The following KANSL1 variants were observed in gnomAD, a reference collection of about 807,000 sequenced individuals.
KANSL1 encodes MLL1/MLL complex subunit KANSL1.
KANSL1 carries 22 observed loss-of-function variants against 103.6 expected under a neutral mutation model. The ratio of observed to expected loss-of-function variants is 0.21; its 90% confidence interval spans 0.15 to 0.30. The LOEUF (loss-of-function observed/expected upper bound fraction) is 0.30, where lower values mean the gene tolerates loss of function less well. Among genes scored for constraint, KANSL1 ranks in the 10% least tolerant of loss-of-function variants. The pLI is 1.00. For missense variants in KANSL1, 1,337 were observed against 1,399.8 expected (o/e 0.96, Z 0.72); for synonymous variants, 600 against 527.6 (o/e 1.14, Z -1.88).
intron 2 of KANSL1, among the ~76,000 whole-genome samples, chr17:46,142,300 C>A (rs1443819351): frequency 6.6e-6 from 1 of 152,182 alleles, no homozygotes; most frequent in Non-Finnish European, 1.5e-5. Flanking sequence ...GGATAAATAT[C>A]TCTGCTTCAA....
chr17:46,159,343 G>A (rs918900748), intron 2 of KANSL1, among the ~76,000 whole-genome samples: 13 of 152,214 alleles, frequency 8.5e-5, no homozygotes, highest in African/African-American at 2.9e-4. Context: ...CAGTTGTCCA[G>A]AATTCTTTCT....
upstream of KANSL1, among the ~76,000 whole-genome samples, chr17:46,195,092 G>T (rs2047560640): frequency 6.6e-6 from 1 of 152,170 alleles, no homozygotes; most frequent in African/African-American, 2.4e-5. Flanking sequence ...CTTTTTTATT[G>T]TACACACATA....
At chr17:46,172,323 C>T (rs780203785) in intron 1 of KANSL1, 91 bp from the exon 2 acceptor site, 1 of 664,912 alleles carries the variant, frequency 1.5e-6, no homozygotes, top group East Asian at 2.9e-5. Flanking sequence ...AGGCTGTTGT[C>T]TAAACTGCCT....
chr17:46,199,431 T>C (rs1197448514), intron 1 of KANSL1, among the ~76,000 whole-genome samples: 1 of 152,268 alleles, frequency 6.6e-6, no homozygotes, highest in African/African-American at 2.4e-5. Context: ...AATCAAGATT[T>C]TTTTTCATTA....
Position 46,168,761 on chromosome 17 carries a change from T to C in KANSL1, c.1289+2094A>G, listed in dbSNP as rs563526901. Among the ~76,000 whole-genome samples, 9 of 152,370 alleles carry C rather than the reference T, an allele frequency of 5.9e-5. No individual in the cohort carries two copies. In the East Asian group the frequency reaches 9.6e-4, roughly 16 times the overall value. On this transcript the variant is annotated intron_variant, in intron 2 of 14. Transcript: ENST00000432791. Reference sequence around the variant, plus strand: ...CTTTTTAAAGTATCAGTTGATTTAATTGCAAGAGGATTCAACTGATCCCAA... The same window carrying C: ...CTTTTTAAAGTATCAGTTGATTTAACTGCAAGAGGATTCAACTGATCCCAA...
chr17:46,123,680 T>C (rs150270265), intron 2 of KANSL1, among the ~76,000 whole-genome samples: 3 of 152,330 alleles, frequency 2.0e-5, no homozygotes, highest in African/African-American at 7.2e-5. Flanking sequence ...TCCTCTTCAA[T>C]TCCATGAAGA....
intron 10 of KANSL1, chr17:46,037,705 T>TG (rs1568372169): frequency 6.6e-6 from 1 of 152,118 alleles, no homozygotes; most frequent in Non-Finnish European, 1.5e-5. Flanking sequence ...CACTGATCAC[T>TG]GGTATGTAGT....
In KANSL1 at chr17:46,031,413, G is replaced by A. The variant is rs943068318; in HGVS notation, c.*63C>T. ...GGCATATGATGTTTGAATATCAAAC[G>A]CAGAGATTTCTGAAGCTTTAATGCC... On this transcript the variant is annotated 3_prime_UTR_variant, in exon 15 of 15. Coordinates refer to ENST00000432791, the MANE Select transcript of KANSL1 (RefSeq NM_015443.4). 55 of 1,431,154 alleles carry A rather than the reference G, an allele frequency of 3.8e-5. No individual in the cohort carries two copies. Among genetic ancestry groups the A allele is most frequent in the Middle Eastern group, 1.8e-4 (1 of 5,592 alleles). The allele number at this position is 1,431,154 out of a possible 1,614,324, so 88.7% of individuals were successfully genotyped here. A position where few individuals can be genotyped will look rare whatever the true frequency, so the allele number is the denominator to read the frequency against.
intron 12 of KANSL1, 31 bp from the exon 13 acceptor site, chr17:46,033,223 T>A: frequency 6.5e-7 from 1 of 1,543,032 alleles, no homozygotes; most frequent in Non-Finnish European, 8.9e-7. Flanking sequence ...CGATCCCCTC[T>A]TTTCTCCAGG....
Position 46,033,206 on chromosome 17 carries a change from G to A in KANSL1, c.2725-14C>T, listed in dbSNP as rs1384567510. ...TAGGTCCTCAATCTGCAATAGAGCA[G>A]CTTCATCGATCCCCTCTTTTCTCCA... On this transcript the variant is annotated splice_polypyrimidine_tract_variant and intron_variant, in intron 12 of 14. Transcript: ENST00000432791. 2 of 1,570,588 alleles carry A rather than the reference G, an allele frequency of 1.3e-6. No homozygotes were observed. The highest frequency in any genetic ancestry group is 1.1e-5 in the South Asian group (1 of 87,234).
At chr17:46,073,889 G>A (rs1407103621) in intron 4 of KANSL1, among the ~76,000 whole-genome samples, 1 of 152,094 alleles carries the variant, frequency 6.6e-6, no homozygotes, top group Non-Finnish European at 1.5e-5. Context: ...CGGGTACTAG[G>A]ATTAAACGAG....
At chr17:46,116,214 A>G (rs1447278222) in intron 2 of KANSL1, among the ~76,000 whole-genome samples, 1 of 152,198 alleles carries the variant, frequency 6.6e-6, no homozygotes, top group East Asian at 1.9e-4. Flanking sequence ...AAAGTCCTCA[A>G]AGGAAACAGA....
chr17:46,165,683 G>T (rs886081447), intron 2 of KANSL1, among the ~76,000 whole-genome samples: 50 of 151,332 alleles, frequency 3.3e-4, no homozygotes, highest in African/African-American at 1.1e-3. Context: ...GCTAATTTTT[G>T]AATTTTTGGT....
At position 46,171,142 on chromosome 17, in the gene KANSL1, G is replaced by T. The variant is rs1272158850; in HGVS notation, c.1002C>A (p.Asn334Lys). 1 of 1,614,172 alleles carries T rather than the reference G, an allele frequency of 6.2e-7. No individual in the cohort carries two copies. Among genetic ancestry groups the T allele is most frequent in the Admixed American group, 1.7e-5 (1 of 60,018 alleles). Reference protein sequence around the residue: ...FLEKTLSKLPNLESLRPRSQL... With the variant: ...FLEKTLSKLPKLESLRPRSQL... ...GGCTCCGTGGTCTCAAGGATTCCAA[G>T]TTTGGCAGTTTGCTCAAAGTCTTCT... Residue 334 changes from asparagine (N) to lysine (K), a missense_variant, in exon 2 of 15, where the codon AAC (asparagine) becomes AAA (lysine). Physicochemically the swap from Asn to Lys is moderately conservative, Grantham distance 94. This residue lies in a region of KANSL1 where 557 missense variants were observed against 476.4 expected (regional missense o/e 1.17). Transcript: ENST00000432791.
intron 2 of KANSL1, among the ~76,000 whole-genome samples, chr17:46,135,401 CA>C: frequency 6.6e-6 from 1 of 152,246 alleles, no homozygotes; most frequent in Middle Eastern, 3.4e-3. Context: ...TTGGCAAACA[CA>C]AGTCCATGAG....
intron 3 of KANSL1, among the ~76,000 whole-genome samples, chr17:46,085,307 G>A (rs1218225991): frequency 6.6e-6 from 1 of 152,134 alleles, no homozygotes; most frequent in Non-Finnish European, 1.5e-5. Flanking sequence ...CTTCCAAAGA[G>A]ATTTTCAACA....
intron 6 of KANSL1, among the ~76,000 whole-genome samples, chr17:46,059,495 T>C (rs749012726): frequency 1.9e-4 from 29 of 151,822 alleles, no homozygotes; most frequent in Non-Finnish European, 3.5e-4. Context: ...AGCACGCGCC[T>C]GTAGTCCCAG....
chr17:46,094,457 T>C (rs1273599437), intron 3 of KANSL1, 103 bp downstream of exon 3: 42 of 1,343,450 alleles, frequency 3.1e-5, no homozygotes, highest in Non-Finnish European at 6.2e-6. Flanking sequence ...TTTGCAATAG[T>C]TAAGAAGAGG....
intron 1 of KANSL1, among the ~76,000 whole-genome samples, chr17:46,189,759 C>T (rs535349109): frequency 6.6e-6 from 1 of 152,208 alleles, no homozygotes; most frequent in African/African-American, 2.4e-5. Context: ...GTGGCACACG[C>T]CTGTAGTCCC....
Sources: gnomAD v4.1 joint callset for allele counts (sites outside exome capture counted in the v4.1 genomes callset) on GRCh38, gnomAD v4.1.1 for gene constraint, gnomAD v4.1.1 regional missense constraint, MANE v1.5 for transcripts, NCBI Gene and HGNC (gene_info 2026-07-23, HGNC 2026-07-21) for gene names.